CCDC3: variants seen among roughly 807,000 people sequenced by gnomAD.
CCDC3 encodes coiled-coil domain containing 3.
Under a neutral mutation model 21.4 loss-of-function variants are expected in CCDC3, and 24 were observed. The observed-to-expected ratio is 1.12, with a 90% confidence interval of 0.81 to 1.58. The LOEUF (loss-of-function observed/expected upper bound fraction) is 1.58, where lower values mean the gene tolerates loss of function less well. Ranked by LOEUF, CCDC3 falls within the 40% of genes most tolerant of loss-of-function variation. CCDC3 has a pLI of 0.00. For synonymous variants in CCDC3, 186 were observed against 166.0 expected, an observed-to-expected ratio of 1.12 and a Z score of -0.93; for missense variants, 425 against 360.9, an observed-to-expected ratio of 1.18 and a Z score of -1.44.
chr10:13,046,466 G>A (rs1432465142), intron 5 of CCDC3, among the ~76,000 whole-genome samples: 1 of 151,914 alleles, frequency 6.6e-6, no homozygotes, highest in Non-Finnish European at 1.5e-5. Flanking sequence ...CAGCACTTTG[G>A]GAGGCCGAGG....
intron 2 of CCDC3, among the ~76,000 whole-genome samples, chr10:12,995,925 T>C (rs897099725): frequency 6.6e-6 from 1 of 152,214 alleles, no homozygotes; most frequent in Non-Finnish European, 1.5e-5. Flanking sequence ...TGTTAGTAGC[T>C]AGATTGTGAC....
intron 2 of CCDC3, among the ~76,000 whole-genome samples, chr10:12,901,373 G>A (rs763841662): frequency 2.2e-4 from 34 of 152,182 alleles, no homozygotes; most frequent in African/African-American, 7.9e-4. Flanking sequence ...GGGTTCAAGC[G>A]ATTCTCCTGC....
chr10:13,070,241 T>A (rs1836866115), intron 4 of CCDC3, among the ~76,000 whole-genome samples: 1 of 152,248 alleles, frequency 6.6e-6, no homozygotes, highest in Non-Finnish European at 1.5e-5. Context: ...AGTATATTTG[T>A]CTCTGTCTCT....
At chr10:13,021,585 T>C (rs1224296564) in intron 5 of CCDC3, among the ~76,000 whole-genome samples, 1 of 152,190 alleles carries the variant, frequency 6.6e-6, no homozygotes, top group Non-Finnish European at 1.5e-5. Context: ...ACAAAACGAA[T>C]AGAGAAATTC....
intron 3 of CCDC3, among the ~76,000 whole-genome samples, chr10:13,078,769 C>G (rs1836996706): frequency 6.7e-6 from 1 of 150,250 alleles, no homozygotes; most frequent in Non-Finnish European, 1.5e-5. Context: ...GACAGAAAAC[C>G]AAACACCACA....
At chr10:12,909,499 A>G (rs1834231829) in intron 2 of CCDC3, among the ~76,000 whole-genome samples, 1 of 152,144 alleles carries the variant, frequency 6.6e-6, no homozygotes, top group Non-Finnish European at 1.5e-5. Context: ...TGTGTCCCCC[A>G]TCAGCTCTGT....
intron 5 of CCDC3, among the ~76,000 whole-genome samples, chr10:13,030,577 G>GTGCTGGAT (rs945839498): frequency 6.6e-6 from 1 of 152,128 alleles, no homozygotes; most frequent in African/African-American, 2.4e-5. Context: ...ACCCATCAGT[G>GTGCTGGAT]TGCTGGATTC....
intron 5 of CCDC3, among the ~76,000 whole-genome samples, chr10:13,010,011 G>T (rs1290833427): frequency 2.6e-5 from 4 of 152,198 alleles, no homozygotes; most frequent in African/African-American, 9.6e-5. Context: ...ACTTTGGGAG[G>T]CTGAGGCGGT....
chr10:13,041,172 C>T (rs905442651), intron 5 of CCDC3, among the ~76,000 whole-genome samples: 11 of 152,276 alleles, frequency 7.2e-5, no homozygotes, highest in Admixed American at 6.5e-4. Context: ...ATAGATTCAA[C>T]TTAGCCAGCC....
intron 2 of CCDC3, among the ~76,000 whole-genome samples, chr10:12,987,963 G>A (rs531646166): frequency 9.2e-4 from 140 of 152,142 alleles, no homozygotes; most frequent in Non-Finnish European, 6.0e-4. Flanking sequence ...CCCTGCTTCC[G>A]CTTTTGCCCC....
intron 5 of CCDC3, among the ~76,000 whole-genome samples, chr10:13,018,483 A>T (rs1237676478): frequency 1.3e-5 from 2 of 152,186 alleles, no homozygotes; most frequent in African/African-American, 4.8e-5. Flanking sequence ...CCTACAGGCC[A>T]CTGTGTGTCT....
At chr10:12,926,896 C>A (rs1006643476) in intron 2 of CCDC3, among the ~76,000 whole-genome samples, 4 of 151,794 alleles carry the variant, frequency 2.6e-5, no homozygotes, top group South Asian at 4.2e-4. Flanking sequence ...ATGTGTATAC[C>A]CCTAAAAACA....
chr10:13,058,333 C>T, intron 4 of CCDC3: 1 of 1,258,726 alleles, frequency 7.9e-7, no homozygotes, highest in Admixed American at 1.7e-5. Flanking sequence ...AGATCTTGTC[C>T]ATGCCAAACC....
chr10:12,989,294 C>T (rs1381641053), intron 2 of CCDC3, among the ~76,000 whole-genome samples: 3 of 152,212 alleles, frequency 2.0e-5, no homozygotes, highest in South Asian at 2.1e-4. Flanking sequence ...CTTAAGCCCT[C>T]GGCTCAGTCA....
chr10:13,088,364 G>T (rs895116476), intron 3 of CCDC3, among the ~76,000 whole-genome samples: 5 of 152,176 alleles, frequency 3.3e-5, no homozygotes, highest in Non-Finnish European at 7.3e-5. Context: ...TAGAATAAAT[G>T]AAAAGGAAAC....
Position 13,068,978 on chromosome 10 carries a change from G to A in CCDC3, c.-270+4890C>T, listed in dbSNP as rs1043683084. 7.2e-5 allele frequency among the ~76,000 whole-genome samples: 11 copies of A among 152,328 alleles called. No individual in the cohort carries two copies. The East Asian group carries it at 1.2e-3, about 16-fold the overall frequency. On this transcript the variant is annotated intron_variant, in intron 4 of 6. Coordinates refer to the CCDC3 transcript ENST00000378839. ...AGGAGTATAAAAATTAATCTTGGCC[G>A]GGTGTGGTGGCTCATGCCTGTAATC...
intron 2 of CCDC3, among the ~76,000 whole-genome samples, chr10:12,992,131 T>C (rs1408909692): frequency 6.6e-6 from 1 of 151,542 alleles, no homozygotes; most frequent in African/African-American, 2.4e-5. Context: ...GGCTCACACC[T>C]ATAATCCCAG....
chr10:12,928,159 T>C (rs947201167), intron 2 of CCDC3, among the ~76,000 whole-genome samples: 1 of 152,184 alleles, frequency 6.6e-6, no homozygotes, highest in African/African-American at 2.4e-5. Flanking sequence ...AAGAGGTGAC[T>C]ATACCAACTG....
chr10:12,905,649 T>A (rs1291164305), intron 2 of CCDC3, among the ~76,000 whole-genome samples: 1 of 152,236 alleles, frequency 6.6e-6, no homozygotes, highest in Non-Finnish European at 1.5e-5. Flanking sequence ...AAAGGTCCTA[T>A]TGACTCCATC....
Sources: gnomAD v4.1 joint callset for allele counts (sites outside exome capture counted in the v4.1 genomes callset) on GRCh38, gnomAD v4.1.1 for gene constraint, MANE v1.5 for transcripts, NCBI Gene and HGNC (gene_info 2026-07-23, HGNC 2026-07-21) for gene names.